The following TEC variants were observed in gnomAD, a reference collection of about 807,000 sequenced individuals.
TEC encodes tec protein tyrosine kinase, also known as tyrosine-protein kinase Tec.
In TEC, 72 loss-of-function variants were observed where a neutral mutation model predicts 93.0. The observed-to-expected ratio is 0.77, with a 90% confidence interval of 0.64 to 0.94. TEC has a LOEUF of 0.94. TEC is among the 40% of genes least tolerant of loss of function. TEC has a pLI of 0.00. For missense variants in TEC, 630 were observed against 757.9 expected, an observed-to-expected ratio of 0.83 and a Z score of 1.98; for synonymous variants, 249 against 247.7, an observed-to-expected ratio of 1.01 and a Z score of -0.05.
chr4:48,268,262 T>C (rs1159993327), intron 1 of TEC, among the ~76,000 whole-genome samples: 1 of 152,246 alleles, frequency 6.6e-6, no homozygotes, highest in Non-Finnish European at 1.5e-5. Context: ...GTTGGACCTA[T>C]GTGGGGCAAA....
intron 2 of TEC, among the ~76,000 whole-genome samples, chr4:48,206,421 T>G (rs1362630280): frequency 6.6e-6 from 1 of 152,124 alleles, no homozygotes; most frequent in Non-Finnish European, 1.5e-5. Context: ...ATGAGCTTCA[T>G]TCAGAATATA....
intron 1 of TEC, among the ~76,000 whole-genome samples, chr4:48,251,954 G>C (rs556264762): frequency 8.5e-5 from 13 of 152,234 alleles, no homozygotes; most frequent in African/African-American, 3.1e-4. Flanking sequence ...TTTTTACAAA[G>C]ACGAAGAAGC....
chr4:48,151,575 T>C (rs970790137), intron 9 of TEC, among the ~76,000 whole-genome samples: 7 of 152,144 alleles, frequency 4.6e-5, no homozygotes, highest in Non-Finnish European at 1.0e-4. Flanking sequence ...CAATCTCCAC[T>C]TCCTGGGTTC....
At chr4:48,231,135 T>C (rs1453978663) in intron 1 of TEC, among the ~76,000 whole-genome samples, 4 of 152,178 alleles carry the variant, frequency 2.6e-5, no homozygotes, top group Admixed American at 6.5e-5. Flanking sequence ...CTGAGCATCA[T>C]GATTTCATGT....
At chr4:48,210,211 G>C (rs926029618) in intron 2 of TEC, among the ~76,000 whole-genome samples, 1 of 152,084 alleles carries the variant, frequency 6.6e-6, no homozygotes, top group Non-Finnish European at 1.5e-5. Flanking sequence ...GGTCAGACTC[G>C]GTAGCTTATG....
At chr4:48,150,835 T>C (rs1720126520) in intron 10 of TEC, 28 bp downstream of exon 10, 9 of 1,466,154 alleles carry the variant, frequency 6.1e-6, no homozygotes, top group Non-Finnish European at 8.2e-6. Flanking sequence ...AACTCTAAAT[T>C]ATAAAAAAAA....
Position 48,232,058 on chromosome 4 carries a change from GCAGGAGGATCACTTGAGGT to G in TEC, c.-45-3418_-45-3400del, listed in dbSNP as rs537435667. Among the ~76,000 whole-genome samples the G allele has an allele frequency of 1.9e-4, 29 of 152,258 alleles. No homozygotes were observed. In the South Asian group the frequency reaches 5.6e-3, roughly 29 times the overall value. On this transcript the variant is annotated intron_variant, in intron 1 of 17. Transcript: ENST00000381501. Reference sequence around the variant, plus strand: ...AATCCTAGCACTTTGGGAGACCAAGGCAGGAGGATCACTTGAGGTCAGGGGTTCAAGACCAGCCTGGTGG... The same window carrying G: ...AATCCTAGCACTTTGGGAGACCAAGGCAGGGGTTCAAGACCAGCCTGGTGG...
chr4:48,137,108 G>A lies in TEC; in HGVS notation c.*308C>T. ...GGCATCAGCTAACATGGTCCCATGTGTGCACCCCTGAATGGCCAAACCCTG... is the reference window on the plus strand; with the variant it reads ...GGCATCAGCTAACATGGTCCCATGTATGCACCCCTGAATGGCCAAACCCTG... On this transcript the variant is annotated 3_prime_UTR_variant, in exon 18 of 18. Transcript: ENST00000381501. 2 of 312,190 alleles carry A rather than the reference G, an allele frequency of 6.4e-6. No homozygotes were observed. Among genetic ancestry groups the A allele is most frequent in the Non-Finnish European group, 1.2e-5 (2 of 168,378 alleles). The allele number at this position is 312,190 out of a possible 1,614,324, so 19.3% of individuals were successfully genotyped here. A position where few individuals can be genotyped will look rare whatever the true frequency, so the allele number is the denominator to read the frequency against.
chr4:48,154,432 A>G (rs925415633), intron 9 of TEC, among the ~76,000 whole-genome samples: 2 of 152,198 alleles, frequency 1.3e-5, no homozygotes, highest in Non-Finnish European at 2.9e-5. Flanking sequence ...TTTTACTGGA[A>G]ATTAGTACTA....
chr4:48,267,985 C>T (rs1482081478), intron 1 of TEC, among the ~76,000 whole-genome samples: 1 of 152,210 alleles, frequency 6.6e-6, no homozygotes, highest in African/African-American at 2.4e-5. Context: ...GGCAGAGAGG[C>T]CAGTAATTCT....
At chr4:48,186,389 C>T (rs1288858550) in intron 2 of TEC, among the ~76,000 whole-genome samples, 1 of 151,210 alleles carries the variant, frequency 6.6e-6, no homozygotes, top group African/African-American at 2.4e-5. Context: ...TCTTCCCGGC[C>T]GCCATCCCGT....
intron 1 of TEC, among the ~76,000 whole-genome samples, chr4:48,238,153 G>C (rs953955565): frequency 6.6e-6 from 1 of 152,068 alleles, no homozygotes; most frequent in Non-Finnish European, 1.5e-5. Context: ...TACATTCTAG[G>C]CTCCCCATTT....
rs1375769245 is a variant in TEC at position 48,150,958 on chromosome 4, A to G, written c.793-16T>C. 6.4e-7 allele frequency: 1 copy of G among 1,558,648 alleles called. No homozygotes were observed. Among genetic ancestry groups the G allele is most frequent in the Non-Finnish European group, 8.7e-7 (1 of 1,156,010 alleles). On this transcript the variant is annotated splice_polypyrimidine_tract_variant and intron_variant, in intron 9 of 17. Transcript: ENST00000381501. Reference sequence around the variant, plus strand: ...CTTCTTTATCCTAAAATCCAAGTTCAGAAAAAATTTTTTTTACTCTAATTA... The same window carrying G: ...CTTCTTTATCCTAAAATCCAAGTTCGGAAAAAATTTTTTTTACTCTAATTA...
rs780411738 is a variant in TEC at position 48,167,957 on chromosome 4, G to C, written c.496-4C>G. 3.3e-5 allele frequency: 53 copies of C among 1,613,174 alleles called. No homozygotes were observed. The highest frequency in any genetic ancestry group is 4.2e-5 in the Non-Finnish European group (50 of 1,179,612). ...GAATTGGTGGGGGAGGCCTTCGCTA[G>C]ACAAGGAAGATAACATTTGAAAGTT... On this transcript the variant is annotated splice_polypyrimidine_tract_variant and splice_region_variant and intron_variant, in intron 6 of 17. Transcript: ENST00000381501.
intron 15 of TEC, 23 bp downstream of exon 15, chr4:48,141,332 A>G (rs777755399): frequency 1.3e-5 from 21 of 1,610,180 alleles, no homozygotes; most frequent in Non-Finnish European, 1.8e-5. Flanking sequence ...ACATCACCTA[A>G]AACCACGTAT....
intron 1 of TEC, among the ~76,000 whole-genome samples, chr4:48,249,189 A>G (rs1321614763): frequency 1.3e-5 from 2 of 152,238 alleles, no homozygotes; most frequent in Non-Finnish European, 2.9e-5. Context: ...CAGAAATCAC[A>G]AAAGTGCTCC....
At chr4:48,198,723 G>A (rs1252299845) in intron 2 of TEC, among the ~76,000 whole-genome samples, 1 of 151,816 alleles carries the variant, frequency 6.6e-6, no homozygotes, top group Non-Finnish European at 1.5e-5. Context: ...GCCCCAGCTG[G>A]AAAAACTAAG....
rs778272572 is a variant in TEC at position 48,138,895 on chromosome 4, G to A, written c.1654+9C>T. ...AGGGCGGACGGACATGAGGAAACATGGATCTTACCAAATGACCAGACATCT... is the reference window on the plus strand; with the variant it reads ...AGGGCGGACGGACATGAGGAAACATAGATCTTACCAAATGACCAGACATCT... On this transcript the variant is annotated intron_variant, in intron 16 of 17. Transcript: ENST00000381501. The A allele has an allele frequency of 6.2e-7, 1 of 1,614,114 alleles. No individual in the cohort carries two copies. Among genetic ancestry groups the A allele is most frequent in the Non-Finnish European group, 8.5e-7 (1 of 1,179,948 alleles).
intron 7 of TEC, among the ~76,000 whole-genome samples, chr4:48,167,475 T>C (rs747284420): frequency 1.3e-5 from 2 of 152,182 alleles, no homozygotes; most frequent in Admixed American, 6.5e-5. Context: ...TACTTACTTA[T>C]GGCAGGTGGG....
Sources: allele counts gnomAD v4.1 joint callset (sites outside exome capture counted in the v4.1 genomes callset), GRCh38; gene constraint gnomAD v4.1.1; transcripts MANE v1.5; gene names NCBI Gene and HGNC (gene_info 2026-07-23, HGNC 2026-07-21).